Variants in PLAC1 observed in about 807,000 individuals in gnomAD.
PLAC1 encodes the protein placenta associated 1, also known as placenta-specific protein 1.
For missense variants in PLAC1, 136 were observed against 163.2 expected (o/e 0.83, Z 0.91); for synonymous variants, 68 against 62.1 (o/e 1.09, Z -0.44).
At chrX:134,620,616 C>T (rs2078206055) in intron 1 of PLAC1, among the ~76,000 whole-genome samples, 1 of 111,856 alleles carries the variant, frequency 8.9e-6, no homozygotes, top group East Asian at 2.8e-4. Context: ...CATCTATTGC[C>T]TCTCCACCTC....
chrX:134,586,917 G>A (rs1283201810), intron 2 of PLAC1, among the ~76,000 whole-genome samples: 4 of 104,671 alleles, frequency 3.8e-5, no homozygotes, highest in Admixed American at 2.1e-4. Context: ...GGCTGGCCTC[G>A]AACTCCTGAC....
chrX:134,647,649 A>G (rs1481311647), intron 1 of PLAC1, among the ~76,000 whole-genome samples: 2 of 111,027 alleles, frequency 1.8e-5, no homozygotes, highest in Admixed American at 9.6e-5. Flanking sequence ...CCTTAATGGG[A>G]TAGAAAGGGC....
chrX:134,616,103 C>T (rs1426117136), intron 1 of PLAC1, among the ~76,000 whole-genome samples: 1 of 110,658 alleles, frequency 9.0e-6, no homozygotes, highest in South Asian at 3.9e-4. Flanking sequence ...CCTCAGCTTC[C>T]CTGGTAGCTA....
intron 2 of PLAC1, among the ~76,000 whole-genome samples, chrX:134,585,175 CAAAAAAAAAAA>C (rs56343935): frequency 9.0e-5 from 3 of 33,484 alleles, no homozygotes; most frequent in Non-Finnish European, 4.6e-5. Flanking sequence ...ACTAAAAGTA[CAAAAAAAAAAA>C]AAAAAAAAAA....
At chrX:134,701,694 C>T (rs1227056084) in intron 2 of PLAC1, among the ~76,000 whole-genome samples, 1 of 112,145 alleles carries the variant, frequency 8.9e-6, no homozygotes, top group African/African-American at 3.2e-5. Context: ...AAATACTCCA[C>T]GTCAGTAATC....
At chrX:134,646,547 G>A (rs2078334449) in intron 1 of PLAC1, among the ~76,000 whole-genome samples, 1 of 111,999 alleles carries the variant, frequency 8.9e-6, no homozygotes, top group South Asian at 3.7e-4. Context: ...CTTCCACGAT[G>A]GTCTATAAAT....
chrX:134,621,220 C>T (rs181451750), intron 1 of PLAC1, among the ~76,000 whole-genome samples: 20 of 110,061 alleles, frequency 1.8e-4, no homozygotes, highest in Non-Finnish European at 3.2e-4. Context: ...CTGAGTCTGG[C>T]GGATCACTTA....
intron 1 of PLAC1, among the ~76,000 whole-genome samples, chrX:134,610,128 C>T (rs1464496479): frequency 9.0e-6 from 1 of 111,207 alleles, no homozygotes; most frequent in Non-Finnish European, 1.9e-5. Context: ...CAGGCGTGCG[C>T]CACCACACCC....
intron 1 of PLAC1, among the ~76,000 whole-genome samples, chrX:134,611,536 T>C (rs867425824): frequency 5.6e-5 from 6 of 107,457 alleles, no homozygotes; most frequent in Non-Finnish European, 1.1e-4. Context: ...TACATATGTA[T>C]ATATGCATAT....
chrX:134,656,411 G>T (rs2078391857), intron 1 of PLAC1, among the ~76,000 whole-genome samples: 1 of 110,765 alleles, frequency 9.0e-6, no homozygotes, highest in South Asian at 3.9e-4. Context: ...CTTTTCTAGG[G>T]GTCACTCCAA....
intron 2 of PLAC1, among the ~76,000 whole-genome samples, chrX:134,687,946 T>C (rs1275408931): frequency 1.0e-5 from 1 of 99,579 alleles, no homozygotes; most frequent in Non-Finnish European, 2.0e-5. Context: ...CGCCTCACAG[T>C]GGGGACCTGG....
chrX:134,661,310 T>C (rs2078415654), upstream of PLAC1, among the ~76,000 whole-genome samples: 1 of 111,926 alleles, frequency 8.9e-6, no homozygotes, highest in African/African-American at 3.3e-5. Context: ...GCAGGGGCCA[T>C]GTCTCTCTCG....
At chrX:134,568,485 G>A (rs769840368) in intron 2 of PLAC1, among the ~76,000 whole-genome samples, 1 of 112,006 alleles carries the variant, frequency 8.9e-6, no homozygotes, top group Non-Finnish European at 1.9e-5. Flanking sequence ...GTACGGATTG[G>A]TCTCACTGTC....
intron 2 of PLAC1, among the ~76,000 whole-genome samples, chrX:134,698,652 T>C (rs1261062300): frequency 9.0e-6 from 1 of 111,202 alleles, no homozygotes; most frequent in African/African-American, 3.3e-5. Flanking sequence ...TTAGCCTTCT[T>C]TTCTAGTGTC....
At chrX:134,608,952 G>C (rs1359247639) in intron 1 of PLAC1, among the ~76,000 whole-genome samples, 1 of 106,233 alleles carries the variant, frequency 9.4e-6, no homozygotes, top group Admixed American at 1.0e-4. Context: ...GGGATTACAG[G>C]AGTGAGCCAC....
Position 134,733,892 on chromosome X carries a change from A to G in PLAC1, n.90-373T>C, listed in dbSNP as rs181582881. ...CGTTCACTGCCCTTCCCTTAGAAAA[A>G]AAAAGATGTTTGCAGACCGATGTGA... On this transcript the variant is annotated intron_variant and non_coding_transcript_variant, in intron 1 of 2. Transcript: ENST00000466797. 4.2e-3 allele frequency among the ~76,000 whole-genome samples: 463 copies of G among 111,504 alleles called. 2 individuals carry two copies. Among genetic ancestry groups the G allele is most frequent in the African/African-American group, 0.013 (405 of 30,657 alleles).
chrX:134,651,784 C>T (rs1290216072), intron 1 of PLAC1, among the ~76,000 whole-genome samples: 1 of 106,912 alleles, frequency 9.4e-6, no homozygotes, highest in Non-Finnish European at 1.9e-5. Flanking sequence ...TCATCCCCCA[C>T]TTGGCCCCAG....
rs1294855004 is a variant in PLAC1 at position 134,718,073 on chromosome X, A to G, written n.174+15362T>C. ...GAAAGGGAATTTTGATTAAAGGTAA[A>G]TGAACTCAAGTCTTGGAAAGTTTGA... On this transcript the variant is annotated intron_variant and non_coding_transcript_variant, in intron 2 of 2. Transcript: ENST00000466797. Among the ~76,000 whole-genome samples, 3 of 112,036 alleles carry G rather than the reference A, an allele frequency of 2.7e-5. No homozygotes were observed. In the Admixed American group the frequency reaches 2.8e-4, roughly 11 times the overall value.
intron 1 of PLAC1, among the ~76,000 whole-genome samples, chrX:134,748,095 C>T (rs1318911435): frequency 4.5e-5 from 5 of 111,384 alleles, no homozygotes; most frequent in Non-Finnish European, 7.5e-5. Flanking sequence ...TTTGGGAGGC[C>T]GAGGTGGGCG....
Sources: gnomAD v4.1 joint callset for allele counts (sites outside exome capture counted in the v4.1 genomes callset) on GRCh38, gnomAD v4.1.1 for gene constraint, MANE v1.5 for transcripts, NCBI Gene and HGNC (gene_info 2026-07-23, HGNC 2026-07-21) for gene names.